Variants in KCNK2 observed in about 807,000 individuals in gnomAD.
KCNK2 encodes potassium channel subfamily K member 2.
Under a neutral mutation model 40.5 loss-of-function variants are expected in KCNK2, and 21 were observed. That is an observed-to-expected ratio of 0.52 (90% CI 0.37 to 0.75). The LOEUF (loss-of-function observed/expected upper bound fraction) is 0.75. KCNK2 is among the 30% of genes least tolerant of loss of function. The probability of loss-of-function intolerance (pLI) is 0.00; values close to 1 mark genes in which losing one functional copy is unlikely to be tolerated. For missense variants in KCNK2, 399 were observed against 531.6 expected, an observed-to-expected ratio of 0.75 and a Z score of 2.45; for synonymous variants, 191 against 202.2, an observed-to-expected ratio of 0.94 and a Z score of 0.47.
chr1:215,223,980 T>C (rs1259114092), intron 6 of KCNK2, among the ~76,000 whole-genome samples: 1 of 152,146 alleles, frequency 6.6e-6, no homozygotes, highest in Non-Finnish European at 1.5e-5. Flanking sequence ...TGGATGGCTC[T>C]GAAAGTCAAA....
intron 2 of KCNK2, among the ~76,000 whole-genome samples, chr1:215,122,237 A>G (rs897473919): frequency 6.6e-6 from 1 of 152,138 alleles, no homozygotes; most frequent in Non-Finnish European, 1.5e-5. Flanking sequence ...TTTCATTTAT[A>G]GATTTCATCT....
In KCNK2 at chr1:215,191,285, A is replaced by G. The variant is rs1435124846; in HGVS notation, c.824-3668A>G. ...GGTGACAGAGTGAGGCTGCATCTCA[A>G]AAAAAAAAAAAAATGCCTTTTAAAA... On this transcript the variant is annotated intron_variant, in intron 5 of 6. Coordinates refer to ENST00000444842, the MANE Select transcript of KCNK2 (RefSeq NM_001017425.3). Among the ~76,000 whole-genome samples, 5 of 15,100 alleles carry G rather than the reference A, an allele frequency of 3.3e-4. No individual in the cohort carries two copies. The East Asian group carries it at 0.11, about 343-fold the overall frequency. 9.9% of individuals were successfully genotyped at this position (15,100 alleles called of 152,430 possible). A position where few individuals can be genotyped will look rare whatever the true frequency, so the allele number is the denominator to read the frequency against.
intron 3 of KCNK2, among the ~76,000 whole-genome samples, chr1:215,143,515 T>C (rs1396045716): frequency 6.6e-6 from 1 of 152,232 alleles, no homozygotes; most frequent in Non-Finnish European, 1.5e-5. Context: ...ACATATGTTA[T>C]GAAATTTCAT....
At chr1:215,124,304 G>A (rs1661323748) in intron 2 of KCNK2, among the ~76,000 whole-genome samples, 1 of 152,078 alleles carries the variant, frequency 6.6e-6, no homozygotes, top group Non-Finnish European at 1.5e-5. Context: ...ATGCTGTGGT[G>A]GTTACTGGAG....
At chr1:215,170,398 G>A (rs978604179) in intron 4 of KCNK2, among the ~76,000 whole-genome samples, 7 of 152,084 alleles carry the variant, frequency 4.6e-5, no homozygotes, top group Non-Finnish European at 1.5e-5. Flanking sequence ...GTTCTTGGAA[G>A]AAAATTATGG....
chr1:215,032,528 T>A (rs1015418808), intron 1 of KCNK2, among the ~76,000 whole-genome samples: 1 of 152,192 alleles, frequency 6.6e-6, no homozygotes, highest in Non-Finnish European at 1.5e-5. Context: ...ATATCATTTC[T>A]CTTCTCTCTA....
intron 6 of KCNK2, among the ~76,000 whole-genome samples, chr1:215,197,036 A>G (rs1274274047): frequency 6.6e-6 from 1 of 152,202 alleles, no homozygotes; most frequent in Non-Finnish European, 1.5e-5. Flanking sequence ...TTATATACAT[A>G]CACACTTAAT....
intron 6 of KCNK2, among the ~76,000 whole-genome samples, chr1:215,205,709 A>G (rs1665289675): frequency 6.6e-6 from 1 of 152,166 alleles, no homozygotes; most frequent in Non-Finnish European, 1.5e-5. Flanking sequence ...ACAAGAGATT[A>G]ACCTTTGTTG....
chr1:215,190,207 T>C (rs1310771410), intron 5 of KCNK2, among the ~76,000 whole-genome samples: 3 of 152,010 alleles, frequency 2.0e-5, no homozygotes, highest in African/African-American at 7.3e-5. Context: ...TTCTTTAGCA[T>C]CGAAGAGGGC....
intron 1 of KCNK2, among the ~76,000 whole-genome samples, chr1:215,021,537 CTTTTTTTTTT>C (rs538476962): frequency 0.018 from 1,692 of 96,332 alleles, 51 homozygotes; most frequent in African/African-American, 0.069. Context: ...GGACAACCAT[CTTTTTTTTTT>C]TTTTTTTTTT....
chr1:215,122,603 T>A (rs527262631), intron 2 of KCNK2, among the ~76,000 whole-genome samples: 1 of 152,100 alleles, frequency 6.6e-6, no homozygotes, highest in Non-Finnish European at 1.5e-5. Flanking sequence ...ATTTTATCAC[T>A]TCATTAAAGA....
chr1:215,158,420 G>C (rs2363556), intron 3 of KCNK2, among the ~76,000 whole-genome samples: 116,975 of 152,104 alleles, frequency 0.77, 45,286 homozygotes, highest in Non-Finnish European at 0.79. Context: ...ATCTGAGTCA[G>C]TGATTGATGT....
upstream of KCNK2, chr1:215,082,089 C>T (rs1003650584): frequency 1.1e-4 from 17 of 152,198 alleles, no homozygotes; most frequent in African/African-American, 4.1e-4. Context: ...GAGAACCTAA[C>T]CGGGTTTTCT....
At chr1:215,029,820 T>C (rs994154180) in intron 1 of KCNK2, among the ~76,000 whole-genome samples, 4 of 152,060 alleles carry the variant, frequency 2.6e-5, no homozygotes, top group Non-Finnish European at 4.4e-5. Flanking sequence ...ATTCATCTCA[T>C]GAAGGACATC....
intron 2 of KCNK2, among the ~76,000 whole-genome samples, chr1:215,095,651 G>C (rs757057782): frequency 6.6e-6 from 1 of 151,884 alleles, no homozygotes; most frequent in Non-Finnish European, 1.5e-5. Flanking sequence ...ATGGGGTTGC[G>C]TTTTTTTCAC....
chr1:215,008,946 A>T (rs1015746705), intron 1 of KCNK2, among the ~76,000 whole-genome samples: 5 of 152,214 alleles, frequency 3.3e-5, no homozygotes, highest in Middle Eastern at 3.4e-3. Context: ...TTGATTTGTC[A>T]TTCTATAGTC....
At chr1:215,168,189 C>T (rs149697468) in intron 3 of KCNK2, among the ~76,000 whole-genome samples, 2,636 of 152,070 alleles carry the variant, frequency 0.017, 32 homozygotes, top group Middle Eastern at 0.034. Flanking sequence ...GTCAGAATGG[C>T]GATTAGTAAA....
In KCNK2 at chr1:215,214,990, G is replaced by A. The variant is rs536330352; in HGVS notation, c.964-19838G>A. Among the ~76,000 whole-genome samples the A allele has an allele frequency of 3.5e-4, 54 of 152,172 alleles. No homozygotes were observed. In the South Asian group the frequency reaches 9.3e-3, roughly 26 times the overall value. On this transcript the variant is annotated intron_variant, in intron 6 of 6. Coordinates refer to ENST00000444842, the MANE Select transcript of KCNK2 (RefSeq NM_001017425.3). ...CTTTCTCTGGCAGTTTTTATCTTCCGTTATTTGAAATGCATGAGCAACCAA... is the reference window on the plus strand; with the variant it reads ...CTTTCTCTGGCAGTTTTTATCTTCCATTATTTGAAATGCATGAGCAACCAA...
intron 6 of KCNK2, 47 bp from the exon 7 acceptor site, chr1:215,234,781 G>A (rs1666809805): frequency 6.7e-7 from 1 of 1,494,940 alleles, no homozygotes; most frequent in Non-Finnish European, 9.1e-7. Flanking sequence ...AGAAAATGTT[G>A]ATCGGCATGT....
Sources: gnomAD v4.1 joint callset for allele counts (sites outside exome capture counted in the v4.1 genomes callset) on GRCh38, gnomAD v4.1.1 for gene constraint, MANE v1.5 for transcripts, NCBI Gene and HGNC (gene_info 2026-07-23, HGNC 2026-07-21) for gene names.